Variants in JAKMIP1 observed in about 807,000 individuals in gnomAD.
JAKMIP1 encodes the protein janus kinase and microtubule interacting protein 1, also known as janus kinase and microtubule-interacting protein 1.
JAKMIP1 carries 33 observed loss-of-function variants against 113.0 expected under a neutral mutation model. That is an observed-to-expected ratio of 0.29 (90% CI 0.22 to 0.39). The LOEUF (loss-of-function observed/expected upper bound fraction) is 0.39, where lower values mean the gene tolerates loss of function less well. Ranked by LOEUF, JAKMIP1 falls within the 10% of genes least tolerant of loss-of-function variation. JAKMIP1 has a pLI of 1.00. For synonymous variants in JAKMIP1, 480 were observed against 459.9 expected, an observed-to-expected ratio of 1.04 and a Z score of -0.56; for missense variants, 813 against 1,080.5, an observed-to-expected ratio of 0.75 and a Z score of 3.47.
rs75894884 is a variant in JAKMIP1 at position 6,082,811 on chromosome 4, G to A, written c.955-1056C>T. 4.6e-4 allele frequency among the ~76,000 whole-genome samples: 70 copies of A among 152,190 alleles called. No homozygotes were observed. In the East Asian group the frequency reaches 8.5e-3, roughly 19 times the overall value. ...GGCACCTCACAGAAATCCAGAAAGC[G>A]GCAACAGCCTAAAGATCCACCACTG... is the stretch of plus-strand genomic sequence containing the variant. On this transcript the variant is annotated intron_variant, in intron 5 of 20. Coordinates refer to ENST00000409021, the MANE Select transcript of JAKMIP1 (RefSeq NM_001099433.2).
At chr4:6,161,477 G>A (rs181598184) in intron 1 of JAKMIP1, among the ~76,000 whole-genome samples, 93 of 152,270 alleles carry the variant, frequency 6.1e-4, no homozygotes, top group East Asian at 5.2e-3. Context: ...CCGCCTGAAC[G>A]GGGAGGTCCC....
rs1714332821 is a variant in JAKMIP1, at chr4:6,108,441, A to G, written c.130-2474T>C. Among the ~76,000 whole-genome samples, 1 of 152,194 alleles carries G rather than the reference A, an allele frequency of 6.6e-6. No individual in the cohort carries two copies. Among genetic ancestry groups the G allele is most frequent in the South Asian group, 2.1e-4 (1 of 4,824 alleles). On this transcript the variant is annotated intron_variant, in intron 2 of 20. Coordinates refer to ENST00000409021, the MANE Select transcript of JAKMIP1 (RefSeq NM_001099433.2). The surrounding 1 kb of genome is among the most constrained non-coding windows in gnomAD (Gnocchi z 5.6). ...CGGCACAAAGGCCAAGAGAGGGAGC[A>G]TGCCCTGGGGGTGTGGGGGCTGGCG...
At chr4:6,071,798 T>A (rs1053354412) in intron 8 of JAKMIP1, among the ~76,000 whole-genome samples, 1 of 152,074 alleles carries the variant, frequency 6.6e-6, no homozygotes, top group African/African-American at 2.4e-5. Context: ...ACAGCCCCCG[T>A]CTCTTCATAA....
intron 1 of JAKMIP1, among the ~76,000 whole-genome samples, chr4:6,161,255 C>T (rs1193836440): frequency 2.7e-5 from 4 of 145,794 alleles, no homozygotes; most frequent in Non-Finnish European, 4.4e-5. Context: ...CTGACCTCCA[C>T]TCACCTCCAC....
rs893096143 is a variant in JAKMIP1 at position 6,106,301 on chromosome 4, C to T, written c.130-334G>A. 1.2e-4 allele frequency among the ~76,000 whole-genome samples: 18 copies of T among 152,236 alleles called. No homozygotes were observed. Among genetic ancestry groups the T allele is most frequent in the African/African-American group, 4.3e-4 (18 of 41,452 alleles). ...AAAACACACCCTGCAGAAATCATCACCAAGACCCAAAAGATTGTAAACCAG... is the reference window on the plus strand; with the variant it reads ...AAAACACACCCTGCAGAAATCATCATCAAGACCCAAAAGATTGTAAACCAG... On this transcript the variant is annotated intron_variant, in intron 2 of 20. Transcript: ENST00000409021. The surrounding 1 kb of genome is among the most constrained non-coding windows in gnomAD (Gnocchi z 5.9).
chr4:6,114,652 G>A (rs1383108413), intron 1 of JAKMIP1, among the ~76,000 whole-genome samples: 3 of 152,238 alleles, frequency 2.0e-5, no homozygotes, highest in Non-Finnish European at 2.9e-5. Context: ...AACACACCAT[G>A]AAGGATTATT....
At position 6,093,194 on chromosome 4, in the gene JAKMIP1, A is replaced by C. The variant is rs1722320519; in HGVS notation, c.625-7565T>G. On this transcript the variant is annotated intron_variant, in intron 3 of 20. Transcript: ENST00000409021. The surrounding 1 kb of genome is among the most constrained non-coding windows in gnomAD (Gnocchi z 4.6). Reference sequence around the variant, plus strand: ...TGAAATGACTCCTGCATCTACCCACAGAAGTGATCACATCCTCTTCTTTGT... The same window carrying C: ...TGAAATGACTCCTGCATCTACCCACCGAAGTGATCACATCCTCTTCTTTGT... 6.6e-6 allele frequency among the ~76,000 whole-genome samples: 1 copy of C among 152,170 alleles called. No individual in the cohort carries two copies. Among genetic ancestry groups the C allele is most frequent in the Admixed American group, 6.6e-5 (1 of 15,266 alleles).
chr4:6,112,543 C>A (rs1226064370), intron 2 of JAKMIP1, among the ~76,000 whole-genome samples, 179 bp downstream of exon 2: 1 of 152,204 alleles, frequency 6.6e-6, no homozygotes, highest in African/African-American at 2.4e-5. Flanking sequence ...ACTGGTAGGG[C>A]CCAGACTCCT....
intron 11 of JAKMIP1, among the ~76,000 whole-genome samples, chr4:6,057,087 C>T (rs909784119): frequency 6.6e-6 from 1 of 152,184 alleles, no homozygotes; most frequent in Non-Finnish European, 1.5e-5. Flanking sequence ...TGACCTCATA[C>T]CCCGCAGACT....
chr4:6,161,820 G>T (rs1315326049), intron 1 of JAKMIP1, among the ~76,000 whole-genome samples: 1 of 152,152 alleles, frequency 6.6e-6, no homozygotes, highest in Non-Finnish European at 1.5e-5. Context: ...AACCCAGGAG[G>T]TTGTCACTGT....
chr4:6,046,307 C>A (rs990481755), intron 16 of JAKMIP1, among the ~76,000 whole-genome samples: 4 of 152,232 alleles, frequency 2.6e-5, no homozygotes, highest in African/African-American at 9.6e-5. Flanking sequence ...CGAGCGGCAA[C>A]ACCCAAGCTT....
chr4:6,190,251 T>C lies in JAKMIP1; in HGVS notation c.-148+10002A>G, dbSNP rs116340433. On this transcript the variant is annotated intron_variant, in intron 1 of 20. Coordinates refer to ENST00000409021, the MANE Select transcript of JAKMIP1 (RefSeq NM_001099433.2). ...AAATTTACAACATGACGTTACAGGCTGCATATAGATCATAAGATGGTTACT... is the reference window on the plus strand; with the variant it reads ...AAATTTACAACATGACGTTACAGGCCGCATATAGATCATAAGATGGTTACT... 2.9e-3 allele frequency among the ~76,000 whole-genome samples: 437 copies of C among 152,288 alleles called. 2 individuals carry two copies. Among genetic ancestry groups the C allele is most frequent in the African/African-American group, 9.6e-3 (399 of 41,542 alleles).
At chr4:6,072,234 T>C (rs1017768101) in intron 8 of JAKMIP1, among the ~76,000 whole-genome samples, 4 of 152,200 alleles carry the variant, frequency 2.6e-5, no homozygotes, top group African/African-American at 9.6e-5. Flanking sequence ...TCCAGCCCGC[T>C]TTTCCCCTTT....
chr4:6,030,936 G>A (rs1305896354), intron 19 of JAKMIP1, among the ~76,000 whole-genome samples: 5 of 152,296 alleles, frequency 3.3e-5, no homozygotes, highest in African/African-American at 4.8e-5. Flanking sequence ...TGATGAGGAC[G>A]CAGACGGTCC....
intron 3 of JAKMIP1, among the ~76,000 whole-genome samples, chr4:6,091,620 A>C (rs74789308): frequency 6.6e-6 from 1 of 152,270 alleles, no homozygotes; most frequent in African/African-American, 2.4e-5. Flanking sequence ...CCTCTCTCCA[A>C]AGGCTTCTCT....
intron 3 of JAKMIP1, 48 bp from the exon 4 acceptor site, chr4:6,085,677 A>G: frequency 6.4e-7 from 1 of 1,567,218 alleles, no homozygotes. Context: ...CTCATGACCA[A>G]GGAAATCTCT....
intron 1 of JAKMIP1, among the ~76,000 whole-genome samples, chr4:6,127,135 T>C (rs1179071753): frequency 6.6e-6 from 1 of 152,162 alleles, no homozygotes; most frequent in Non-Finnish European, 1.5e-5. Flanking sequence ...TTCTCTTTCT[T>C]CTGGGGGAAA....
At chr4:6,083,897 C>T (rs1720926930) in intron 5 of JAKMIP1, among the ~76,000 whole-genome samples, 1 of 151,904 alleles carries the variant, frequency 6.6e-6, no homozygotes, top group South Asian at 2.1e-4. Flanking sequence ...TCTTTTTTAA[C>T]CAGAAGTCCA....
chr4:6,159,638 T>C (rs1212195306), intron 1 of JAKMIP1, among the ~76,000 whole-genome samples: 1 of 152,186 alleles, frequency 6.6e-6, no homozygotes, highest in Non-Finnish European at 1.5e-5. Flanking sequence ...AGGATACAAA[T>C]TTTCACTCAT....
Sources: gnomAD v4.1 joint callset for allele counts (sites outside exome capture counted in the v4.1 genomes callset) on GRCh38, gnomAD v4.1.1 for gene constraint, Gnocchi (gnomAD v3.1) non-coding constraint, MANE v1.5 for transcripts, NCBI Gene and HGNC (gene_info 2026-07-23, HGNC 2026-07-21) for gene names.